PEX26: variants seen among roughly 807,000 people sequenced by gnomAD.
PEX26 encodes peroxisomal biogenesis factor 26.
Under a neutral mutation model 31.4 loss-of-function variants are expected in PEX26, and 18 were observed. The ratio of observed to expected loss-of-function variants is 0.57; its 90% CI spans 0.40 to 0.85. The LOEUF is 0.85. Ranked by LOEUF, PEX26 falls within the 40% of genes least tolerant of loss-of-function variation. PEX26 has a pLI of 0.00. For missense variants in PEX26, 377 were observed against 383.9 expected (o/e 0.98, Z 0.15); for synonymous variants, 176 against 166.9 (o/e 1.05, Z -0.42).
In PEX26 at chr22:18,094,040, T is replaced by G. The variant is rs1927214622; in HGVS notation, c.*5965T>G. 1 of 152,252 alleles carries G rather than the reference T, an allele frequency of 6.6e-6. No homozygotes were observed. The allele number at this position is 152,252 out of a possible 1,614,324, so 9.4% of individuals were successfully genotyped here. On this transcript the variant is annotated 3_prime_UTR_variant, in exon 5 of 5. Coordinates refer to ENST00000399744, the MANE Select transcript of PEX26 (RefSeq NM_001127649.3). Reference sequence around the variant, plus strand: ...TTCCAATTTTAATATTGACCTGAGCTCATATTTAGCTCTACATGTTTCCCA... The same window carrying G: ...TTCCAATTTTAATATTGACCTGAGCGCATATTTAGCTCTACATGTTTCCCA...
intron 1 of PEX26, chr22:18,079,257 G>A: frequency 1.0e-6 from 1 of 985,064 alleles, no homozygotes. Context: ...CGTCTGGCAG[G>A]TGAGGGAGTC....
rs899826237 is a variant in PEX26, at chr22:18,078,191, G to A, written c.-186G>A. 7 of 701,366 alleles carry A rather than the reference G, an allele frequency of 1.0e-5. No individual in the cohort carries two copies. The African/African-American group carries it at 1.0e-4, about 11-fold the overall frequency. 43.4% of individuals were successfully genotyped at this position (701,366 alleles called of 1,614,324 possible). On this transcript the variant is annotated 5_prime_UTR_variant, in exon 1 of 5. Transcript: ENST00000399744. ...TAAACTGCTTCCCCAGCCTCCAGGC[G>A]AGCCCAGCTTTTGCCTCAGATAGGC...
Position 18,098,579 on chromosome 22 carries a change from C to G in PEX26, c.*10504C>G, listed in dbSNP as rs919265081. ...CCTGGGAGGCAGAGGTTGCAGTGAG[C>G]TGAGATCCTGCCACTGCACTCCAGT... is the stretch of plus-strand genomic sequence containing the variant. On this transcript the variant is annotated 3_prime_UTR_variant, in exon 5 of 5. Coordinates refer to ENST00000399744, the MANE Select transcript of PEX26 (RefSeq NM_001127649.3). 1.3e-5 allele frequency: 2 copies of G among 151,866 alleles called. No homozygotes were observed. Among genetic ancestry groups the G allele is most frequent in the Non-Finnish European group, 2.9e-5 (2 of 68,006 alleles). The allele number at this position is 151,866 out of a possible 1,614,324, so 9.4% of individuals were successfully genotyped here.
intron 3 of PEX26, 66 bp downstream of exon 3, chr22:18,083,798 C>A: frequency 6.7e-7 from 1 of 1,485,892 alleles, no homozygotes; most frequent in Non-Finnish European, 9.3e-7. Flanking sequence ...ACCTCGGGGT[C>A]TGTCGTGAAA....
In PEX26 at chr22:18,078,583, C is replaced by G; in HGVS notation, c.207C>G (p.Ala69=). 6.2e-7 allele frequency: 1 copy of G among 1,600,096 alleles called. No individual in the cohort carries two copies. The highest frequency in any genetic ancestry group is 1.7e-4 in the Middle Eastern group (1 of 6,046). ...CCTGGCAGAGTCTGGCCAACCACGC[C>G]GTGGCAGAGGAACCCGCGGGCACGT... ...ERAWQSLANH[A]VAEEPAGTSL... The change falls in exon 1 of 5, where the codon GCC becomes GCG. Residue 69 remains alanine (A), a synonymous_variant. Coordinates refer to ENST00000399744, the MANE Select transcript of PEX26 (RefSeq NM_001127649.3).
rs1927385977 is a variant in PEX26 at position 18,099,364 on chromosome 22, G to A, written c.*11289G>A. 2 of 152,160 alleles carry A rather than the reference G, an allele frequency of 1.3e-5. No individual in the cohort carries two copies. The highest frequency in any genetic ancestry group is 1.3e-4 in the Admixed American group (2 of 15,272). The allele number at this position is 152,160 out of a possible 1,614,324, so 9.4% of individuals were successfully genotyped here. A position where few individuals can be genotyped will look rare whatever the true frequency, so the allele number is the denominator to read the frequency against. ...GCTCTGCTGCCACGTAGGATGACTG[G>A]ACCTCTTTCCAGGTTCGTGTTAACA... On this transcript the variant is annotated 3_prime_UTR_variant, in exon 5 of 5. Transcript: ENST00000399744.
rs1927308901 is a variant in PEX26 at position 18,096,754 on chromosome 22, A to G, written c.*8679A>G. ...CTTAAAGTGCTAAGCCTTTTTATAT[A>G]TTCATTTCAGACCATGTTTAATTTT... On this transcript the variant is annotated 3_prime_UTR_variant, in exon 5 of 5. Transcript: ENST00000399744. 6.6e-6 allele frequency: 1 copy of G among 152,134 alleles called. No homozygotes were observed. Among genetic ancestry groups the G allele is most frequent in the African/African-American group, 2.4e-5 (1 of 41,414 alleles). 9.4% of individuals were successfully genotyped at this position (152,134 alleles called of 1,614,324 possible).
chr22:18,087,861 A>G lies in PEX26; in HGVS notation c.815-111A>G, dbSNP rs1380939584. The stretch of plus-strand genomic sequence containing the variant: ...GCGAGACCCTGTCTCTAAAAAAAAC[A>G]AAACAAAACCAACTATGTGTAATTG... On this transcript the variant is annotated intron_variant, in intron 4 of 4. Transcript: ENST00000399744. The G allele has an allele frequency of 2.7e-5, 22 of 805,166 alleles. No homozygotes were observed. In the South Asian group the frequency reaches 2.8e-4, roughly 10 times the overall value. The allele number at this position is 805,166 out of a possible 1,614,324, so 49.9% of individuals were successfully genotyped here.
At position 18,088,256 on chromosome 22, in the gene PEX26, G is replaced by A. The variant is rs760612663; in HGVS notation, c.*181G>A. On this transcript the variant is annotated 3_prime_UTR_variant, in exon 5 of 5. Coordinates refer to ENST00000399744, the MANE Select transcript of PEX26 (RefSeq NM_001127649.3). This position sits in a 1 kb window ranked among gnomAD's most constrained non-coding sequence, Gnocchi z 4.1. ...CACCCTACTTCGGCTGGTCGCGGTA[G>A]ATGATGTGGAAACAAAGCAGGACCA... is the stretch of plus-strand genomic sequence containing the variant. 19 of 697,288 alleles carry A rather than the reference G, an allele frequency of 2.7e-5. No individual in the cohort carries two copies. The East Asian group carries it at 4.9e-4, about 18-fold the overall frequency. The allele number at this position is 697,288 out of a possible 1,614,324, so 43.2% of individuals were successfully genotyped here. A position where few individuals can be genotyped will look rare whatever the true frequency, so the allele number is the denominator to read the frequency against.
intron 4 of PEX26, among the ~76,000 whole-genome samples, chr22:18,086,574 T>A (rs1425044544): frequency 6.6e-6 from 1 of 152,234 alleles, no homozygotes; most frequent in African/African-American, 2.4e-5. Context: ...TAAGTGATAT[T>A]TGGGAACAAC....
chr22:18,087,874 C>G, intron 4 of PEX26, 98 bp from the exon 5 acceptor site: 3 of 828,686 alleles, frequency 3.6e-6, no homozygotes, highest in Non-Finnish European at 6.4e-6. Flanking sequence ...ACAAAACCAA[C>G]TATGTGTAAT....
rs1602476353 is a variant in PEX26, at chr22:18,095,739, C to T, written c.*7664C>T. The T allele has an allele frequency of 6.6e-6, 1 of 151,566 alleles. No individual in the cohort carries two copies. Among genetic ancestry groups the T allele is most frequent in the Non-Finnish European group, 1.5e-5 (1 of 67,976 alleles). 9.4% of individuals were successfully genotyped at this position (151,566 alleles called of 1,614,324 possible). A position where few individuals can be genotyped will look rare whatever the true frequency, so the allele number is the denominator to read the frequency against. Reference sequence around the variant, plus strand: ...TTTTTTTTGAGAAACAAGGCCTAACCCCAATGGAGTAATTTGCTGCGTAAA... The same window carrying T: ...TTTTTTTTGAGAAACAAGGCCTAACTCCAATGGAGTAATTTGCTGCGTAAA... On this transcript the variant is annotated 3_prime_UTR_variant, in exon 5 of 5. Coordinates refer to ENST00000399744, the MANE Select transcript of PEX26 (RefSeq NM_001127649.3).
At chr22:18,085,994 A>G (rs1926827829) in intron 4 of PEX26, among the ~76,000 whole-genome samples, 1 of 152,034 alleles carries the variant, frequency 6.6e-6, no homozygotes, top group South Asian at 2.1e-4. Flanking sequence ...AAACTCATAC[A>G]TTTTAGAAAA....
At position 18,097,842 on chromosome 22, in the gene PEX26, A is replaced by AT. The variant is rs1297700843; in HGVS notation, c.*9774dup. 4 of 152,110 alleles carry AT rather than the reference A, an allele frequency of 2.6e-5. No homozygotes were observed. Among genetic ancestry groups the AT allele is most frequent in the African/African-American group, 9.7e-5 (4 of 41,404 alleles). 9.4% of individuals were successfully genotyped at this position (152,110 alleles called of 1,614,324 possible). A position where few individuals can be genotyped will look rare whatever the true frequency, so the allele number is the denominator to read the frequency against. On this transcript the variant is annotated 3_prime_UTR_variant, in exon 5 of 5. Transcript: ENST00000399744. ...AGGCATAAGCCACCACACCCAGATG[A>AT]TTTTTTTATTTTTCAAAGAAGTGGC...
Position 18,089,191 on chromosome 22 carries a change from T to C in PEX26, c.*1116T>C, listed in dbSNP as rs1413651916. ...ATCCTTGCCTCCTTGGTACACACCA[T>C]TTCAGGTTCTTCCCTTTCTGTGTCC... On this transcript the variant is annotated 3_prime_UTR_variant, in exon 5 of 5. Coordinates refer to ENST00000399744, the MANE Select transcript of PEX26 (RefSeq NM_001127649.3). The C allele has an allele frequency of 6.6e-6, 1 of 152,318 alleles. No homozygotes were observed. Among genetic ancestry groups the C allele is most frequent in the Non-Finnish European group, 1.5e-5 (1 of 68,006 alleles). 9.4% of individuals were successfully genotyped at this position (152,318 alleles called of 1,614,324 possible). A position where few individuals can be genotyped will look rare whatever the true frequency, so the allele number is the denominator to read the frequency against.
intron 2 of PEX26, among the ~76,000 whole-genome samples, chr22:18,081,206 AAC>A (rs1286768163): frequency 1.4e-5 from 2 of 148,012 alleles, no homozygotes; most frequent in Non-Finnish European, 3.0e-5. Context: ...CACATATATA[AAC>A]ACATATATAC....
chr22:18,086,604 T>C (rs1394803296), intron 4 of PEX26, among the ~76,000 whole-genome samples: 1 of 152,252 alleles, frequency 6.6e-6, no homozygotes, highest in Non-Finnish European at 1.5e-5. Flanking sequence ...TTCCTGAGGA[T>C]TGACCCCTCA....
rs1695377006 is a variant in PEX26, at chr22:18,096,795, A to G, written c.*8720A>G. On this transcript the variant is annotated 3_prime_UTR_variant, in exon 5 of 5. Coordinates refer to ENST00000399744, the MANE Select transcript of PEX26 (RefSeq NM_001127649.3). ...GTTTAATTTTCTAAATATGCAATAC[A>G]TTCATAGGGTTTTTGAAAAGGCTTG... 6.6e-6 allele frequency: 1 copy of G among 152,200 alleles called. No individual in the cohort carries two copies. Among genetic ancestry groups the G allele is most frequent in the African/African-American group, 2.4e-5 (1 of 41,436 alleles). The allele number at this position is 152,200 out of a possible 1,614,324, so 9.4% of individuals were successfully genotyped here. A position where few individuals can be genotyped will look rare whatever the true frequency, so the allele number is the denominator to read the frequency against.
rs920505823 is a variant in PEX26, at chr22:18,097,737, T to A, written c.*9662T>A. The A allele has an allele frequency of 6.6e-6, 1 of 151,616 alleles. No individual in the cohort carries two copies. The highest frequency in any genetic ancestry group is 6.6e-5 in the Admixed American group (1 of 15,188). The allele number at this position is 151,616 out of a possible 1,614,324, so 9.4% of individuals were successfully genotyped here. ...TCTTATAAAAAATACAGAGATGGGGTCTTACTACACTGACCAGGCTGGTGT... is the reference window on the plus strand; with the variant it reads ...TCTTATAAAAAATACAGAGATGGGGACTTACTACACTGACCAGGCTGGTGT... On this transcript the variant is annotated 3_prime_UTR_variant, in exon 5 of 5. Transcript: ENST00000399744.
Sources: allele counts gnomAD v4.1 joint callset (sites outside exome capture counted in the v4.1 genomes callset), GRCh38; gene constraint gnomAD v4.1.1; non-coding constraint Gnocchi (gnomAD v3.1); transcripts MANE v1.5; gene names NCBI Gene and HGNC (gene_info 2026-07-23, HGNC 2026-07-21).